Variants in NETO1 observed in about 807,000 individuals in gnomAD.
The protein encoded by NETO1 is neuropilin and tolloid-like protein 1.
In NETO1, 26 loss-of-function variants were observed where a neutral mutation model predicts 61.3. That is an observed-to-expected ratio of 0.42 (90% confidence interval 0.31 to 0.59). The LOEUF (loss-of-function observed/expected upper bound fraction) is 0.59, where lower values mean the gene tolerates loss of function less well. Ranked by LOEUF, NETO1 falls within the 20% of genes least tolerant of loss-of-function variation. The probability of loss-of-function intolerance (pLI) is 0.12; values close to 1 mark genes in which losing one functional copy is unlikely to be tolerated. For synonymous variants in NETO1, 225 were observed against 225.8 expected (o/e 1.00, Z 0.03); for missense variants, 531 against 662.8 (o/e 0.80, Z 2.18).
At chr18:72,773,635 G>A (rs371110741) in intron 7 of NETO1, among the ~76,000 whole-genome samples, 1 of 152,070 alleles carries the variant, frequency 6.6e-6, no homozygotes, top group East Asian at 1.9e-4. Context: ...GAGATCTGAT[G>A]GTTTTATAGG....
chr18:72,781,899 G>A (rs1342665190), intron 7 of NETO1, among the ~76,000 whole-genome samples: 5 of 151,924 alleles, frequency 3.3e-5, no homozygotes, highest in African/African-American at 1.2e-4. Context: ...TTACTATGTA[G>A]GTAAAATGTG....
chr18:72,758,067 A>AG (rs2070844059), intron 7 of NETO1, among the ~76,000 whole-genome samples: 1 of 151,612 alleles, frequency 6.6e-6, no homozygotes, highest in Non-Finnish European at 1.5e-5. Context: ...GTAGTTTAAA[A>AG]TTTAAACATA....
intron 7 of NETO1, among the ~76,000 whole-genome samples, chr18:72,777,224 C>A (rs1304173682): frequency 6.6e-6 from 1 of 151,142 alleles, no homozygotes; most frequent in Non-Finnish European, 1.5e-5. Flanking sequence ...AAGCAACCAG[C>A]CTGACCAACA....
chr18:72,772,823 CTCTATATATATA>C (rs1463894669), intron 7 of NETO1, among the ~76,000 whole-genome samples: 95 of 38,786 alleles, frequency 2.4e-3, no homozygotes, highest in South Asian at 4.9e-3. Context: ...CTCTCTCTCT[CTCTATATATATA>C]TATATATATA....
intron 6 of NETO1, among the ~76,000 whole-genome samples, chr18:72,788,531 A>G (rs369764143): frequency 6.6e-5 from 10 of 152,214 alleles, no homozygotes; most frequent in African/African-American, 2.4e-4. Context: ...AATGTAGCAA[A>G]CTACAGAAAG....
At chr18:72,816,758 T>C (rs961967938) in intron 4 of NETO1, among the ~76,000 whole-genome samples, 45 of 152,340 alleles carry the variant, frequency 3.0e-4, no homozygotes, top group African/African-American at 1.1e-3. Flanking sequence ...TCCCACCATC[T>C]TCCCATTGTG....
In NETO1 at chr18:72,746,705, A is replaced by G. The variant is rs1012672750; in HGVS notation, c.*1474T>C. Among the ~76,000 whole-genome samples, 5 of 151,972 alleles carry G rather than the reference A, an allele frequency of 3.3e-5. No individual in the cohort carries two copies. The highest frequency in any genetic ancestry group is 7.4e-5 in the Non-Finnish European group (5 of 67,930). On this transcript the variant is annotated 3_prime_UTR_variant, in exon 11 of 11. Transcript: ENST00000327305. ...TTTTAGTAGACCAGACTGCTCTGTT[A>G]GTGGAAGGACAGAGTTCTTTAAACC...
At chr18:72,827,090 C>G (rs200861314) in intron 4 of NETO1, among the ~76,000 whole-genome samples, 1 of 142,738 alleles carries the variant, frequency 7.0e-6, no homozygotes, top group East Asian at 2.0e-4. Context: ...TCAATGCTTT[C>G]TTTTTTTTTT....
chr18:72,854,704 G>A (rs939442078), intron 4 of NETO1, among the ~76,000 whole-genome samples: 6 of 152,196 alleles, frequency 3.9e-5, no homozygotes, highest in African/African-American at 1.4e-4. Flanking sequence ...AAAAAAGTCT[G>A]TGAAATATGG....
At chr18:72,835,222 T>C (rs1046812953) in intron 4 of NETO1, 2 of 1,470,862 alleles carry the variant, frequency 1.4e-6, no homozygotes, top group Non-Finnish European at 9.2e-7. Context: ...TGGTGTTAGA[T>C]CAACGTTCTG....
chr18:72,814,348 T>A (rs2072961614), intron 4 of NETO1, among the ~76,000 whole-genome samples: 1 of 152,152 alleles, frequency 6.6e-6, no homozygotes, highest in Non-Finnish European at 1.5e-5. Flanking sequence ...AATGTATATG[T>A]TGTAGTTTCT....
chr18:72,770,137 T>C (rs1599132520), intron 7 of NETO1, among the ~76,000 whole-genome samples: 2 of 152,114 alleles, frequency 1.3e-5, no homozygotes, highest in East Asian at 1.9e-4. Context: ...ATTTGTTTAC[T>C]AATATGTTTA....
chr18:72,790,467 G>T (rs2072078077), intron 6 of NETO1, among the ~76,000 whole-genome samples: 1 of 152,020 alleles, frequency 6.6e-6, no homozygotes, highest in African/African-American at 2.4e-5. Context: ...TTGCTAACTA[G>T]CCAAATATTT....
intron 4 of NETO1, among the ~76,000 whole-genome samples, chr18:72,850,430 A>C (rs1002431641): frequency 3.3e-5 from 5 of 152,356 alleles, no homozygotes; most frequent in African/African-American, 1.2e-4. Context: ...GACAAAGAAC[A>C]CTATGGGTTG....
At chr18:72,786,605 T>C (rs1015777567) in intron 6 of NETO1, among the ~76,000 whole-genome samples, 1 of 152,208 alleles carries the variant, frequency 6.6e-6, no homozygotes, top group African/African-American at 2.4e-5. Flanking sequence ...ATTTTCGGTA[T>C]GCCCAGGTTA....
chr18:72,766,220 ATGTGTGTGTG>A (rs34670401), intron 7 of NETO1, among the ~76,000 whole-genome samples: 15,534 of 144,702 alleles, frequency 0.11, 1,043 homozygotes, highest in Middle Eastern at 0.21. Context: ...AAAAAAAAAT[ATGTGTGTGTG>A]TGTGTGTGTG....
At chr18:72,861,034 T>C (rs1293946190) in intron 3 of NETO1, among the ~76,000 whole-genome samples, 1 of 152,244 alleles carries the variant, frequency 6.6e-6, no homozygotes, top group African/African-American at 2.4e-5. Flanking sequence ...AGTCCTTAGC[T>C]AATTTACTTA....
rs143892278 is a variant in NETO1, at chr18:72,828,358, C to T, written c.469+30468G>A. On this transcript the variant is annotated intron_variant, in intron 4 of 10. Coordinates refer to ENST00000327305, the MANE Select transcript of NETO1 (RefSeq NM_138966.5). Reference sequence around the variant, plus strand: ...AGAGCTCCCAAAACAGAAGCAACATCATCATACATGAGAGCTAGCAGAAGC... The same window carrying T: ...AGAGCTCCCAAAACAGAAGCAACATTATCATACATGAGAGCTAGCAGAAGC... 2.8e-3 allele frequency among the ~76,000 whole-genome samples: 418 copies of T among 151,696 alleles called. 2 individuals are homozygous for T. Among genetic ancestry groups the T allele is most frequent in the Non-Finnish European group, 4.4e-3 (300 of 67,918 alleles).
At chr18:72,866,900 C>A in intron 1 of NETO1, 1 of 588,650 alleles carries the variant, frequency 1.7e-6, no homozygotes, top group East Asian at 6.0e-5. Context: ...GAGGAAGACT[C>A]CTCTGGCCCC....
Sources: gnomAD v4.1 joint callset for allele counts (sites outside exome capture counted in the v4.1 genomes callset) on GRCh38, gnomAD v4.1.1 for gene constraint, MANE v1.5 for transcripts, NCBI Gene and HGNC (gene_info 2026-07-23, HGNC 2026-07-21) for gene names.